Variants in PALM observed in about 807,000 individuals in gnomAD.
PALM encodes the protein paralemmin.
A neutral mutation model predicts 30.7 loss-of-function variants in PALM; 18 were observed. That is an observed-to-expected ratio of 0.59 (90% CI 0.41 to 0.87). The LOEUF is 0.87. Ranked by LOEUF, PALM falls within the 40% of genes least tolerant of loss-of-function variation. The probability of loss-of-function intolerance (pLI) is 0.00; values close to 1 mark genes in which losing one functional copy is unlikely to be tolerated. For missense variants in PALM, 529 were observed against 555.4 expected (o/e 0.95, Z 0.48); for synonymous variants, 286 against 242.8 (o/e 1.18, Z -1.66).
intron 1 of PALM, among the ~76,000 whole-genome samples, chr19:724,630 T>A (rs916505110): frequency 4.6e-5 from 7 of 151,008 alleles, no homozygotes; most frequent in Admixed American, 1.3e-4. Context: ...CATTCATTCA[T>A]TTTTGAGACA....
chr19:729,352 G>A (rs2032793753), intron 4 of PALM, among the ~76,000 whole-genome samples: 1 of 151,844 alleles, frequency 6.6e-6, no homozygotes, highest in African/African-American at 2.4e-5. Context: ...ACAGGGTGGG[G>A]CAGTTCTGGT....
chr19:732,941 T>G (rs539535227), intron 5 of PALM, among the ~76,000 whole-genome samples: 4 of 144,440 alleles, frequency 2.8e-5, no homozygotes, highest in Non-Finnish European at 6.0e-5. Context: ...TTTTTTGTGT[T>G]TTTTTTTTTG....
At position 722,109 on chromosome 19, in the gene PALM, G is replaced by T. The variant is rs1366695048; in HGVS notation, c.6-4029G>T. ...AATTTTTTGTGTTTTTAGTAGAGAC[G>T]GGGTTTCACCGTGTTAGCCAGGATG... is the stretch of plus-strand genomic sequence containing the variant. On this transcript the variant is annotated intron_variant, in intron 1 of 8. Coordinates refer to ENST00000338448, the MANE Select transcript of PALM (RefSeq NM_002579.3). 2.0e-5 allele frequency among the ~76,000 whole-genome samples: 3 copies of T among 151,004 alleles called. No individual in the cohort carries two copies. In the East Asian group the frequency reaches 5.9e-4, roughly 30 times the overall value.
Position 713,408 on chromosome 19 carries a change from C to T in PALM, c.5+4257C>T, listed in dbSNP as rs529324597. Among the ~76,000 whole-genome samples the T allele has an allele frequency of 2.6e-4, 39 of 152,008 alleles. No individual in the cohort carries two copies. In the South Asian group the frequency reaches 5.0e-3, roughly 20 times the overall value. ...TCCGGGCCTCACTGTTCTCATCTGG[C>T]GAGTGGGGATGTGACTGCCATCATT... On this transcript the variant is annotated intron_variant, in intron 1 of 8. Coordinates refer to ENST00000338448, the MANE Select transcript of PALM (RefSeq NM_002579.3).
At chr19:732,766 T>A (rs532078791) in intron 5 of PALM, among the ~76,000 whole-genome samples, 4 of 151,288 alleles carry the variant, frequency 2.6e-5, no homozygotes, top group Admixed American at 6.6e-5. Flanking sequence ...ATGGCGTGTA[T>A]TGGGGACCAC....
At chr19:727,201 TGCCTCC>T in intron 3 of PALM, 113 bp downstream of exon 3, 1 of 733,800 alleles carries the variant, frequency 1.4e-6, no homozygotes, top group Non-Finnish European at 2.3e-6. Context: ...ACCCTGACCC[TGCCTCC>T]AGCCCTGACC....
At chr19:723,843 G>A (rs1046179390) in intron 1 of PALM, among the ~76,000 whole-genome samples, 2 of 152,068 alleles carry the variant, frequency 1.3e-5, no homozygotes, top group African/African-American at 4.8e-5. Flanking sequence ...TAATCCGCTC[G>A]CATCGGCCTC....
chr19:712,197 A>C (rs1354847407), intron 1 of PALM, among the ~76,000 whole-genome samples: 2 of 141,074 alleles, frequency 1.4e-5, no homozygotes, highest in Admixed American at 7.1e-5. Context: ...TAATTTTTGT[A>C]TTTTTAGTAG....
Position 747,330 on chromosome 19 carries a change from G to C in PALM, c.*516G>C, listed in dbSNP as rs989647269. 3.2e-5 allele frequency: 5 copies of C among 157,372 alleles called. No homozygotes were observed. Among genetic ancestry groups the C allele is most frequent in the African/African-American group, 9.6e-5 (4 of 41,514 alleles). The allele number at this position is 157,372 out of a possible 1,614,324, so 9.7% of individuals were successfully genotyped here. A position where few individuals can be genotyped will look rare whatever the true frequency, so the allele number is the denominator to read the frequency against. ...CCAAGGCGCTGGCCCCCCAATCTCA[G>C]GCAGTTGGGGTGAGGCCGTGCCTCT... is the stretch of plus-strand genomic sequence containing the variant. On this transcript the variant is annotated 3_prime_UTR_variant, in exon 9 of 9. Transcript: ENST00000338448.
intron 6 of PALM, chr19:735,047 G>A (rs1343611433): frequency 1.0e-6 from 1 of 986,530 alleles, no homozygotes; most frequent in African/African-American, 1.7e-5. Flanking sequence ...TCACTGGGCT[G>A]AGGATGAGGA....
intron 1 of PALM, among the ~76,000 whole-genome samples, chr19:722,208 GCA>G (rs1568222563): frequency 6.6e-6 from 1 of 152,090 alleles, no homozygotes; most frequent in African/African-American, 2.4e-5. Context: ...GTGAGCCAGC[GCA>G]CCCGGCCTTA....
At chr19:727,211 C>G in intron 3 of PALM, 123 bp downstream of exon 3, 1 of 651,612 alleles carries the variant, frequency 1.5e-6, no homozygotes, top group East Asian at 2.8e-5. Flanking sequence ...TGCCTCCAGC[C>G]CTGACCCTGA....
intron 2 of PALM, 64 bp downstream of exon 2, chr19:726,253 C>T (rs374751530): frequency 2.8e-5 from 40 of 1,404,550 alleles, no homozygotes; most frequent in East Asian, 2.5e-4. Flanking sequence ...CCTGGGGTCT[C>T]GGGCCCTGGA....
At chr19:713,070 A>G (rs2032136323) in intron 1 of PALM, among the ~76,000 whole-genome samples, 1 of 152,132 alleles carries the variant, frequency 6.6e-6, no homozygotes, top group African/African-American at 2.4e-5. Context: ...CTGCAGAGGC[A>G]TGGGTGGGGG....
intron 7 of PALM, among the ~76,000 whole-genome samples, chr19:739,237 G>A (rs1307676241): frequency 2.0e-5 from 3 of 152,094 alleles, no homozygotes; most frequent in Admixed American, 1.3e-4. Flanking sequence ...AATAGATGAC[G>A]GCGTGTCCAA....
chr19:738,402 T>A (rs1443720392), intron 7 of PALM, among the ~76,000 whole-genome samples: 3 of 152,084 alleles, frequency 2.0e-5, no homozygotes, highest in Non-Finnish European at 4.4e-5. Context: ...GGCAGGTGCC[T>A]GTAATCCCAG....
rs747230855 is a variant in PALM, at chr19:734,208, A to G, written c.442+14A>G. ...GCACGCCCAAAGGTAGGACCTCTGG[A>G]AGGAACTCGTGGGGCCTCGGCGCAC... On this transcript the variant is annotated intron_variant, in intron 6 of 8. Transcript: ENST00000338448. The G allele has an allele frequency of 2.5e-6, 4 of 1,613,056 alleles. No individual in the cohort carries two copies. Among genetic ancestry groups the G allele is most frequent in the Non-Finnish European group, 3.4e-6 (4 of 1,179,440 alleles).
At position 742,014 on chromosome 19, in the gene PALM, T is replaced by A. The variant is rs1033037011; in HGVS notation, c.634+1531T>A. Among the ~76,000 whole-genome samples the A allele has an allele frequency of 1.3e-5, 2 of 152,086 alleles. No individual in the cohort carries two copies. The highest frequency in any genetic ancestry group is 4.8e-5 in the African/African-American group (2 of 41,416). Reference sequence around the variant, plus strand: ...GGCATGAGTCACTGCACCCGGCCTCTTTTTCTTTTATGAGATATAATTCGC... The same window carrying A: ...GGCATGAGTCACTGCACCCGGCCTCATTTTCTTTTATGAGATATAATTCGC... On this transcript the variant is annotated intron_variant, in intron 8 of 8. Transcript: ENST00000338448. This position sits in a 1 kb window ranked among gnomAD's most constrained non-coding sequence, Gnocchi z 5.5.
intron 5 of PALM, 42 bp from the exon 6 acceptor site, chr19:734,131 G>A: frequency 6.2e-7 from 1 of 1,611,196 alleles, no homozygotes; most frequent in Non-Finnish European, 8.5e-7. Context: ...CCTCTTCCCG[G>A]GGATGCTGAC....
Sources: allele counts gnomAD v4.1 joint callset (sites outside exome capture counted in the v4.1 genomes callset), GRCh38; gene constraint gnomAD v4.1.1; non-coding constraint Gnocchi (gnomAD v3.1); transcripts MANE v1.5; gene names NCBI Gene and HGNC (gene_info 2026-07-23, HGNC 2026-07-21).